FOXP2: variants seen among roughly 807,000 people sequenced by gnomAD.
FOXP2 encodes the protein forkhead box P2.
In FOXP2, 12 loss-of-function variants were observed where a neutral mutation model predicts 115.8. The ratio of observed to expected loss-of-function variants is 0.10; its 90% CI spans 0.07 to 0.17. The LOEUF (loss-of-function observed/expected upper bound fraction) is 0.17. FOXP2 is among the 10% of genes least tolerant of loss of function. The pLI is 1.00. For missense variants in FOXP2, 629 were observed against 843.5 expected (o/e 0.75, Z 3.15); for synonymous variants, 328 against 297.7 (o/e 1.10, Z -1.05).
intron 3 of FOXP2, among the ~76,000 whole-genome samples, chr7:114,542,660 A>G (rs1385045404): frequency 6.6e-6 from 1 of 152,170 alleles, no homozygotes; most frequent in East Asian, 1.9e-4. Context: ...GTTGTATTAA[A>G]TGGTCAGTTC....
At chr7:114,344,593 G>T (rs1359215186) in intron 2 of FOXP2, among the ~76,000 whole-genome samples, 3 of 151,830 alleles carry the variant, frequency 2.0e-5, no homozygotes, top group Non-Finnish European at 4.4e-5. Context: ...GATAACAGAT[G>T]TAGAGAAATG....
chr7:114,633,842 A>G (rs2129329203), intron 6 of FOXP2, among the ~76,000 whole-genome samples: 1 of 152,326 alleles, frequency 6.6e-6, no homozygotes, highest in Admixed American at 6.5e-5. Flanking sequence ...TTAGAGGTTA[A>G]GGTAAAAGTA....
chr7:114,476,788 G>A (rs775125441), intron 2 of FOXP2, among the ~76,000 whole-genome samples: 18 of 151,948 alleles, frequency 1.2e-4, no homozygotes, highest in Non-Finnish European at 2.1e-4. Flanking sequence ...GTCATCTCCC[G>A]ATTTCTTTCA....
At chr7:114,356,817 A>G (rs573277236) in intron 2 of FOXP2, among the ~76,000 whole-genome samples, 2 of 152,314 alleles carry the variant, frequency 1.3e-5, no homozygotes, top group South Asian at 4.1e-4. Flanking sequence ...TTATTAAATT[A>G]TATTTCCGGA....
intron 1 of FOXP2, among the ~76,000 whole-genome samples, chr7:114,257,705 G>T (rs893044455): frequency 6.6e-6 from 1 of 151,916 alleles, no homozygotes; most frequent in Non-Finnish European, 1.5e-5. Flanking sequence ...CACCAGCTTC[G>T]GCCTCCCAAA....
At chr7:114,396,630 G>A (rs1792748589) in intron 2 of FOXP2, among the ~76,000 whole-genome samples, 2 of 151,906 alleles carry the variant, frequency 1.3e-5, no homozygotes, top group Non-Finnish European at 2.9e-5. Flanking sequence ...TGATCTCATG[G>A]AAGTATAGAG....
At chr7:114,530,404 C>G (rs996176043) in intron 2 of FOXP2, among the ~76,000 whole-genome samples, 1 of 151,698 alleles carries the variant, frequency 6.6e-6, no homozygotes, top group African/African-American at 2.4e-5. Context: ...TATTAATGGG[C>G]GTAGATGTCA....
intron 1 of FOXP2, among the ~76,000 whole-genome samples, chr7:114,101,255 T>A (rs1790944839): frequency 6.6e-6 from 1 of 152,142 alleles, no homozygotes; most frequent in Non-Finnish European, 1.5e-5. Flanking sequence ...CCAAGGCTGT[T>A]TTTTAGACAA....
At chr7:114,468,596 T>C (rs1298005818) in intron 2 of FOXP2, among the ~76,000 whole-genome samples, 1 of 152,100 alleles carries the variant, frequency 6.6e-6, no homozygotes, top group African/African-American at 2.4e-5. Context: ...TTGCTCATGT[T>C]ATCCCCTACC....
chr7:114,142,025 T>C (rs1792226282), intron 1 of FOXP2, among the ~76,000 whole-genome samples: 1 of 149,272 alleles, frequency 6.7e-6, no homozygotes, highest in Non-Finnish European at 1.5e-5. Flanking sequence ...TTTTAAAGAA[T>C]TAGATTGTTT....
At chr7:114,626,974 A>G (rs1203083558) in intron 3 of FOXP2, among the ~76,000 whole-genome samples, 4 of 151,870 alleles carry the variant, frequency 2.6e-5, no homozygotes, top group Non-Finnish European at 5.9e-5. Flanking sequence ...AAAATCACTG[A>G]ATTTCTGTCA....
intron 2 of FOXP2, among the ~76,000 whole-genome samples, chr7:114,500,455 A>G (rs1458272375): frequency 6.6e-6 from 1 of 152,054 alleles, no homozygotes; most frequent in Non-Finnish European, 1.5e-5. Flanking sequence ...AATATTATGT[A>G]TACATATATT....
chr7:114,360,812 A>G (rs1791727954), intron 2 of FOXP2, among the ~76,000 whole-genome samples: 1 of 152,214 alleles, frequency 6.6e-6, no homozygotes, highest in Non-Finnish European at 1.5e-5. Context: ...GTCAGCTTTC[A>G]ATTATCCAAA....
intron 1 of FOXP2, among the ~76,000 whole-genome samples, chr7:114,169,500 T>C (rs887388703): frequency 6.6e-6 from 1 of 152,238 alleles, no homozygotes; most frequent in Non-Finnish European, 1.5e-5. Flanking sequence ...GTTTTCCCAA[T>C]GCCTGTATCT....
At chr7:114,339,066 G>GA (rs747463032) in intron 2 of FOXP2, among the ~76,000 whole-genome samples, 5 of 151,008 alleles carry the variant, frequency 3.3e-5, no homozygotes, top group East Asian at 1.9e-4. Flanking sequence ...AGCTTTTCCA[G>GA]AAAAAAGTGT....
At chr7:114,280,647 A>C (rs1562851655) in intron 1 of FOXP2, among the ~76,000 whole-genome samples, 2 of 152,232 alleles carry the variant, frequency 1.3e-5, no homozygotes, top group South Asian at 2.1e-4. Context: ...AAATTATTTT[A>C]TTGCCAGTAA....
At position 114,388,645 on chromosome 7, in the gene FOXP2, A is replaced by C. The variant is rs191230418; in HGVS notation, c.-10-37857A>C. Among the ~76,000 whole-genome samples, 1,349 of 152,332 alleles carry C rather than the reference A, an allele frequency of 8.9e-3. 85 individuals are homozygous for C. Among genetic ancestry groups the C allele is most frequent in the Admixed American group, 0.079 (1,211 of 15,296 alleles). On this transcript the variant is annotated intron_variant, in intron 2 of 17. Transcript: ENST00000634411. The stretch of plus-strand genomic sequence containing the variant: ...CATACACTTTACTAACTGGTAAAAA[A>C]TATACTGTTAGAGAAAAAGAAAGGA...
chr7:114,125,672 C>T (rs767965766), intron 1 of FOXP2, among the ~76,000 whole-genome samples: 1 of 152,014 alleles, frequency 6.6e-6, no homozygotes, highest in Non-Finnish European at 1.5e-5. Context: ...AGCTTGGATC[C>T]CTGATGTTCA....
intron 3 of FOXP2, among the ~76,000 whole-genome samples, chr7:114,625,885 G>A (rs1449710404): frequency 6.6e-6 from 1 of 151,610 alleles, no homozygotes; most frequent in African/African-American, 2.4e-5. Flanking sequence ...GTGTACCTGT[G>A]TTTTTCTACC....
Sources: allele counts gnomAD v4.1 joint callset (sites outside exome capture counted in the v4.1 genomes callset), GRCh38; gene constraint gnomAD v4.1.1; transcripts MANE v1.5; gene names NCBI Gene and HGNC (gene_info 2026-07-23, HGNC 2026-07-21).